ITFG2: variants seen among roughly 807,000 people sequenced by gnomAD.
ITFG2 encodes KICSTOR complex protein ITFG2.
In ITFG2, 36 loss-of-function variants were observed where a neutral mutation model predicts 54.4. The observed-to-expected ratio is 0.66, with a 90% CI of 0.51 to 0.87. ITFG2 has a LOEUF of 0.87. ITFG2 is among the 40% of genes least tolerant of loss of function. ITFG2 has a pLI of 0.00. For synonymous variants in ITFG2, 211 were observed against 225.4 expected (o/e 0.94, Z 0.57); for missense variants, 524 against 576.7 (o/e 0.91, Z 0.94).
At chr12:2,823,736 TC>T in intron 10 of ITFG2, 33 bp from the exon 11 acceptor site, 1 of 1,519,786 alleles carries the variant, frequency 6.6e-7, no homozygotes, top group South Asian at 1.3e-5. Context: ...CACTGAAACT[TC>T]CTGACCTTTA....
chr12:2,834,244 T>G (rs1487733859), upstream of ITFG2, among the ~76,000 whole-genome samples: 1 of 152,188 alleles, frequency 6.6e-6, no homozygotes, highest in East Asian at 1.9e-4. Context: ...AGACCTGGTC[T>G]GGGGAACCTG....
At chr12:2,830,847 A>T in exon 3 of ITFG2, 1 of 1,613,250 alleles carries the variant, frequency 6.2e-7, no homozygotes, top group Non-Finnish European at 8.5e-7. Flanking sequence ...TCTTTGGATC[A>T]CACTGCGCGG....
intron 2 of ITFG2, chr12:2,849,125 G>T: frequency 8.2e-7 from 1 of 1,216,690 alleles, no homozygotes. Context: ...TTCTGCAGAA[G>T]CCAGAGTCCT....
rs183740361 is a variant in ITFG2 at position 2,838,691 on chromosome 12, C to T, written n.146+1735C>T. Among the ~76,000 whole-genome samples, 5 of 152,326 alleles carry T rather than the reference C, an allele frequency of 3.3e-5. No homozygotes were observed. In the East Asian group the frequency reaches 9.6e-4, roughly 29 times the overall value. ...GTTCTGTAACCCAAGCAAGTACTGT[C>T]TCACTGCCATCTTGGGGCAGACTCC... is the stretch of plus-strand genomic sequence containing the variant. On this transcript the variant is annotated intron_variant and non_coding_transcript_variant, in intron 1 of 3. Transcript: ENST00000537710.
At chr12:2,825,577 G>GAGGGCAGGGGAGGCAGCTGAGAA (rs375141106), downstream of ITFG2, 21 of 152,814 alleles carry the variant, frequency 1.4e-4, no homozygotes, top group Admixed American at 9.2e-4. Flanking sequence ...CTTTCCTTCT[G>GAGGGCAGGGGAGGCAGCTGAGAA]AGGGCAGGGG....
downstream of ITFG2, chr12:2,827,523 A>G (rs982290866): frequency 1.3e-5 from 20 of 1,581,132 alleles, no homozygotes; most frequent in African/African-American, 1.2e-4. The surrounding 1 kb of genome is among the most constrained non-coding windows in gnomAD (Gnocchi z 4.0). Context: ...ACAGTTGCCC[A>G]TCTCTAAGTC....
chr12:2,858,992 G>A, intron 3 of ITFG2: 2 of 1,613,364 alleles, frequency 1.2e-6, no homozygotes, highest in East Asian at 2.2e-5. Context: ...AGGGGTCAGA[G>A]GCACCCTGGG....
chr12:2,821,103 C>G (rs2286602), intron 6 of ITFG2, among the ~76,000 whole-genome samples, 159 bp from the exon 7 acceptor site: 22,889 of 152,136 alleles, frequency 0.15, 1,851 homozygotes, highest in South Asian at 0.33. Flanking sequence ...GCAGCCCCAT[C>G]CCTGTCTTTT....
At chr12:2,820,582 C>T in intron 5 of ITFG2, 142 bp from the exon 6 acceptor site, 1 of 757,390 alleles carries the variant, frequency 1.3e-6, no homozygotes, top group Non-Finnish European at 2.1e-6. Context: ...CCTGCTGCTA[C>T]CCTTGAAGCC....
chr12:2,820,413 G>A (rs1445984876), intron 5 of ITFG2, among the ~76,000 whole-genome samples, 188 bp downstream of exon 5: 1 of 152,180 alleles, frequency 6.6e-6, no homozygotes, highest in Non-Finnish European at 1.5e-5. Context: ...CAGGCAAAGA[G>A]AAGGGCATGT....
upstream of ITFG2, among the ~76,000 whole-genome samples, chr12:2,836,195 C>G (rs752560721): frequency 6.6e-6 from 1 of 152,222 alleles, no homozygotes; most frequent in Non-Finnish European, 1.5e-5. Context: ...GGCATATTGC[C>G]AGAGTGTTTT....
downstream of ITFG2, chr12:2,825,855 C>T (rs1262819451): frequency 6.6e-6 from 1 of 152,224 alleles, no homozygotes; most frequent in Non-Finnish European, 1.5e-5. Context: ...CCCCATCTCC[C>T]AGGTTCAAGC....
rs761357538 is a variant in ITFG2 at position 2,824,271 on chromosome 12, G to A, written c.*78G>A. ...CCTAAAGGTATCTGTGGTATTGGCA[G>A]GATAGGGAATATGCATTACAGAAAT... On this transcript the variant is annotated 3_prime_UTR_variant, in exon 12 of 12. Coordinates refer to ENST00000228799, the MANE Select transcript of ITFG2 (RefSeq NM_018463.4). 6 of 1,412,804 alleles carry A rather than the reference G, an allele frequency of 4.2e-6. No homozygotes were observed. In the Admixed American group the frequency reaches 5.1e-5, roughly 12 times the overall value. 87.5% of individuals were successfully genotyped at this position (1,412,804 alleles called of 1,614,324 possible).
intron 2 of ITFG2, among the ~76,000 whole-genome samples, chr12:2,841,811 T>A (rs1270277276): frequency 1.3e-5 from 2 of 151,716 alleles, no homozygotes; most frequent in Non-Finnish European, 2.9e-5. Context: ...CTCCGCCTCC[T>A]GGGTTCAAGT....
In ITFG2 at chr12:2,845,556, G is replaced by A. The variant is rs189388358; in HGVS notation, n.300+4561G>A. ...GAGTTTTTGGCCCGGAAATGGCTGGGAAGACTTCCTTTGCTGGGATTAACT... is the reference window on the plus strand; with the variant it reads ...GAGTTTTTGGCCCGGAAATGGCTGGAAAGACTTCCTTTGCTGGGATTAACT... On this transcript the variant is annotated intron_variant and non_coding_transcript_variant, in intron 2 of 3. Transcript: ENST00000537710. The surrounding 1 kb of genome is among the most constrained non-coding windows in gnomAD (Gnocchi z 4.2). Among the ~76,000 whole-genome samples the A allele has an allele frequency of 6.6e-6, 1 of 152,298 alleles. No individual in the cohort carries two copies. Among genetic ancestry groups the A allele is most frequent in the African/African-American group, 2.4e-5 (1 of 41,582 alleles).
At chr12:2,833,977 G>A (rs975889437), upstream of ITFG2, among the ~76,000 whole-genome samples, 1 of 152,198 alleles carries the variant, frequency 6.6e-6, no homozygotes, top group African/African-American at 2.4e-5. Flanking sequence ...AGAGGGGAAT[G>A]CCTGAATCTG....
In ITFG2 at chr12:2,812,874, G is replaced by C. The variant is rs907885442; in HGVS notation, c.96+18G>C. On this transcript the variant is annotated intron_variant, in intron 1 of 11. Coordinates refer to ENST00000228799, the MANE Select transcript of ITFG2 (RefSeq NM_018463.4). ...ACGATACGGTAGGTGCATGCGCACC[G>C]CAAGAGACAGCCTGGATCTGTGCAG... The C allele has an allele frequency of 6.3e-7, 1 of 1,587,276 alleles. No individual in the cohort carries two copies. The highest frequency in any genetic ancestry group is 8.6e-7 in the Non-Finnish European group (1 of 1,159,368).
Position 2,817,389 on chromosome 12 carries a change from C to A in ITFG2, c.192+71C>A, listed in dbSNP as rs545931299. 2.5e-5 allele frequency: 27 copies of A among 1,092,692 alleles called. No homozygotes were observed. The African/African-American group carries it at 3.7e-4, about 15-fold the overall frequency. 67.7% of individuals were successfully genotyped at this position (1,092,692 alleles called of 1,614,324 possible). A position where few individuals can be genotyped will look rare whatever the true frequency, so the allele number is the denominator to read the frequency against. ...CTGTCCAGGGACCACCTAGGGTGAGCCCCACACAGGTGCTCACCCATGTGT... is the reference window on the plus strand; with the variant it reads ...CTGTCCAGGGACCACCTAGGGTGAGACCCACACAGGTGCTCACCCATGTGT... On this transcript the variant is annotated intron_variant, in intron 2 of 11. Coordinates refer to ENST00000228799, the MANE Select transcript of ITFG2 (RefSeq NM_018463.4).
intron 4 of ITFG2, 84 bp downstream of exon 4, chr12:2,818,361 G>A: frequency 6.3e-7 from 1 of 1,578,234 alleles, no homozygotes; most frequent in South Asian, 1.1e-5. Flanking sequence ...GGGGTGAGAG[G>A]GAGAATCCGT....
Sources: allele counts gnomAD v4.1 joint callset (sites outside exome capture counted in the v4.1 genomes callset), GRCh38; gene constraint gnomAD v4.1.1; non-coding constraint Gnocchi (gnomAD v3.1); transcripts MANE v1.5; gene names NCBI Gene and HGNC (gene_info 2026-07-23, HGNC 2026-07-21).